The following TEK variants were observed in gnomAD, a reference collection of about 807,000 sequenced individuals.
TEK encodes the protein angiopoietin-1 receptor.
Under a neutral mutation model 131.8 loss-of-function variants are expected in TEK, and 43 were observed. That is an observed-to-expected ratio of 0.33 (90% CI 0.26 to 0.42). The LOEUF (loss-of-function observed/expected upper bound fraction) is 0.42, where lower values mean the gene tolerates loss of function less well. Ranked by LOEUF, TEK falls within the 10% of genes least tolerant of loss-of-function variation. The probability of loss-of-function intolerance (pLI) is 1.00; values close to 1 mark genes in which losing one functional copy is unlikely to be tolerated. For synonymous variants in TEK, 580 were observed against 491.6 expected (o/e 1.18, Z -2.38); for missense variants, 1,162 against 1,384.4 (o/e 0.84, Z 2.55).
intron 2 of TEK, among the ~76,000 whole-genome samples, chr9:27,161,727 A>G (rs1823556501): frequency 6.6e-6 from 1 of 152,234 alleles, no homozygotes; most frequent in Admixed American, 6.5e-5. Flanking sequence ...TCAGACAGAT[A>G]TGGGTTCGAG....
intron 2 of TEK, among the ~76,000 whole-genome samples, chr9:27,163,055 C>A (rs1823602495): frequency 6.6e-6 from 1 of 152,194 alleles, no homozygotes; most frequent in Non-Finnish European, 1.5e-5. Flanking sequence ...CACATGTTTT[C>A]CTGAATACTT....
At chr9:27,135,189 ACTCC>A in intron 1 of TEK, among the ~76,000 whole-genome samples, 1 of 149,120 alleles carries the variant, frequency 6.7e-6, no homozygotes, top group Middle Eastern at 3.5e-3. Flanking sequence ...GTGCCACTGC[ACTCC>A]AGCCTTGGTG....
intron 18 of TEK, among the ~76,000 whole-genome samples, chr9:27,215,328 G>T (rs1299715469): frequency 6.6e-6 from 1 of 152,082 alleles, no homozygotes; most frequent in Non-Finnish European, 1.5e-5. Flanking sequence ...TGAGGGAAGG[G>T]GGAAGAAAGA....
At chr9:27,124,045 G>A (rs1017110427) in intron 1 of TEK, among the ~76,000 whole-genome samples, 12 of 152,234 alleles carry the variant, frequency 7.9e-5, no homozygotes, top group African/African-American at 1.2e-4. Context: ...CCAAAGTGCC[G>A]GGTGGGTGGC....
chr9:27,213,390 T>G (rs1825703820), intron 17 of TEK, 94 bp from the exon 18 acceptor site: 2 of 920,778 alleles, frequency 2.2e-6, no homozygotes, highest in South Asian at 2.8e-5. Context: ...TTAAAATCCT[T>G]TTTTATACTA....
At chr9:27,212,984 C>G (rs1825690580) in intron 17 of TEK, 87 bp downstream of exon 17, 32 of 1,405,298 alleles carry the variant, frequency 2.3e-5, no homozygotes, top group Non-Finnish European at 3.0e-5. Context: ...GTCTGTCAAC[C>G]TCTCTTCTTT....
chr9:27,112,365 G>A (rs950243510), intron 1 of TEK, among the ~76,000 whole-genome samples: 2 of 152,314 alleles, frequency 1.3e-5, no homozygotes. Context: ...CAAGGGTGGA[G>A]GTCTGAAAGC....
intron 14 of TEK, 56 bp downstream of exon 14, chr9:27,205,121 CTT>C: frequency 6.2e-7 from 1 of 1,605,730 alleles, no homozygotes; most frequent in Non-Finnish European, 8.5e-7. Context: ...CAGGCAGAAC[CTT>C]CACTTTAAAG....
In TEK at chr9:27,192,499, G is replaced by C. The variant is rs1156663575; in HGVS notation, c.1500G>C (p.Glu500Asp). The C allele has an allele frequency of 1.2e-6, 2 of 1,613,990 alleles. No homozygotes were observed. Among genetic ancestry groups the C allele is most frequent in the South Asian group, 2.2e-5 (2 of 91,072 alleles). ...GTTTTCTCTTCTCAGTGACAAATGA[G>C]ATTGTTACACTCAACTATTTGGAAC... is the stretch of plus-strand genomic sequence containing the variant. ...EAWQHIQVTNEIVTLNYLEPR... is the reference protein window; with the variant it reads ...EAWQHIQVTNDIVTLNYLEPR... Residue 500 changes from glutamate to aspartate, a missense_variant, in exon 11 of 23, where the codon GAG (glutamate) becomes GAC (aspartate). Physicochemically the swap from Glu to Asp is conservative, Grantham distance 45. Transcript: ENST00000380036.
At chr9:27,167,370 G>A (rs1233250680) in intron 2 of TEK, among the ~76,000 whole-genome samples, 1 of 152,076 alleles carries the variant, frequency 6.6e-6, no homozygotes, top group Non-Finnish European at 1.5e-5. Context: ...TGGAATTAAA[G>A]GCATGTCCCA....
At chr9:27,136,465 G>T (rs569790918) in intron 1 of TEK, among the ~76,000 whole-genome samples, 1 of 152,264 alleles carries the variant, frequency 6.6e-6, no homozygotes, top group South Asian at 2.1e-4. Flanking sequence ...ATGCCTCTCT[G>T]TTCAAATTTT....
At position 27,220,021 on chromosome 9, in the gene TEK, A is replaced by G. The variant is rs761617349; in HGVS notation, c.3104-28A>G. 1.5e-5 allele frequency: 24 copies of G among 1,608,722 alleles called. No individual in the cohort carries two copies. In the East Asian group the frequency reaches 1.8e-4, roughly 12 times the overall value. On this transcript the variant is annotated intron_variant, in intron 20 of 22. Coordinates refer to ENST00000380036, the MANE Select transcript of TEK (RefSeq NM_000459.5). ...AGCATTGCTTTTCATGCCAGAGAGG[A>G]CTTAGAGTGGCACTGTTTGTCTTCC...
intron 1 of TEK, among the ~76,000 whole-genome samples, chr9:27,157,104 G>A (rs2131118091): frequency 6.6e-6 from 1 of 152,332 alleles, no homozygotes. Flanking sequence ...TTTAAAGTTT[G>A]GGTAAGGTTT....
intron 14 of TEK, among the ~76,000 whole-genome samples, chr9:27,205,924 T>C (rs686256): frequency 0.51 from 78,194 of 152,010 alleles, 20,622 homozygotes; most frequent in Non-Finnish European, 0.56. Flanking sequence ...GCTGGCTCAA[T>C]TCAGGCTGTC....
chr9:27,180,587 C>T (rs991212252), intron 7 of TEK, among the ~76,000 whole-genome samples: 3 of 152,156 alleles, frequency 2.0e-5, no homozygotes, highest in Non-Finnish European at 2.9e-5. Flanking sequence ...AGGCATAAAC[C>T]ACGTGCTCTT....
At chr9:27,190,317 A>G (rs1031805348) in intron 9 of TEK, among the ~76,000 whole-genome samples, 3 of 152,146 alleles carry the variant, frequency 2.0e-5, no homozygotes, top group African/African-American at 7.2e-5. Flanking sequence ...GCAAAGGGGC[A>G]CATTTATTTT....
intron 8 of TEK, 37 bp downstream of exon 8, chr9:27,183,647 G>A: frequency 1.2e-6 from 2 of 1,611,468 alleles, no homozygotes; most frequent in Non-Finnish European, 1.7e-6. Flanking sequence ...CTTAAAGCAT[G>A]AGATGCTTCA....
At chr9:27,113,524 G>T (rs865790378) in intron 1 of TEK, among the ~76,000 whole-genome samples, 3 of 152,258 alleles carry the variant, frequency 2.0e-5, no homozygotes, top group African/African-American at 7.2e-5. Flanking sequence ...GGAGGCAGAG[G>T]TTGCAGTGAG....
Position 27,209,233 on chromosome 9 carries a change from T to G in TEK, c.2686+2T>G. On this transcript the variant is annotated splice_donor_variant, in intron 16 of 22. Coordinates refer to ENST00000380036, the MANE Select transcript of TEK (RefSeq NM_000459.5). LOFTEE classifies it high-confidence loss of function. ...TCTTAGGAGCATGTGAACATCGAGG[T>G]AAGATGCTCTTTTCCTGTCTTTCCT... The G allele has an allele frequency of 6.3e-7, 1 of 1,598,644 alleles. No homozygotes were observed. The highest frequency in any genetic ancestry group is 8.6e-7 in the Non-Finnish European group (1 of 1,165,994).
Sources: gnomAD v4.1 joint callset for allele counts (sites outside exome capture counted in the v4.1 genomes callset) on GRCh38, gnomAD v4.1.1 for gene constraint, MANE v1.5 for transcripts, NCBI Gene and HGNC (gene_info 2026-07-23, HGNC 2026-07-21) for gene names.